AGBL4: variants seen among roughly 807,000 people sequenced by gnomAD.
AGBL4 encodes AGBL carboxypeptidase 4.
Under a neutral mutation model 66.4 loss-of-function variants are expected in AGBL4, and 58 were observed. The observed-to-expected ratio is 0.87, with a 90% CI of 0.71 to 1.09. The LOEUF (loss-of-function observed/expected upper bound fraction) is 1.09. Among genes scored for constraint, AGBL4 ranks in the 50% least tolerant of loss-of-function variants. The pLI, the probability that AGBL4 is intolerant of heterozygous loss-of-function variation, is 0.00. For missense variants in AGBL4, 579 were observed against 631.0 expected (o/e 0.92, Z 0.88); for synonymous variants, 234 against 222.9 (o/e 1.05, Z -0.44).
intron 3 of AGBL4, among the ~76,000 whole-genome samples, chr1:49,493,437 T>A (rs113673282): frequency 6.6e-6 from 1 of 152,044 alleles, no homozygotes; most frequent in Admixed American, 6.6e-5. Context: ...ATATTTATAA[T>A]GTATAGCCAG....
intron 6 of AGBL4, among the ~76,000 whole-genome samples, chr1:48,753,033 C>CTG (rs1652000961): frequency 6.6e-6 from 1 of 152,224 alleles, no homozygotes; most frequent in African/African-American, 2.4e-5. Context: ...CAGGCGTGAG[C>CTG]CACTGCCCCC....
chr1:49,283,556 C>A (rs1396183411), intron 3 of AGBL4, among the ~76,000 whole-genome samples: 7 of 152,038 alleles, frequency 4.6e-5, no homozygotes, highest in African/African-American at 7.3e-5. Context: ...AGGCTTCAGA[C>A]GATCAAATTA....
chr1:48,893,443 A>T (rs1651170399), intron 5 of AGBL4, among the ~76,000 whole-genome samples: 1 of 151,928 alleles, frequency 6.6e-6, no homozygotes, highest in African/African-American at 2.4e-5. Context: ...GCACTTTGGG[A>T]GGCTGAGATG....
intron 3 of AGBL4, among the ~76,000 whole-genome samples, chr1:49,573,139 T>C (rs548394672): frequency 7.4e-6 from 1 of 134,794 alleles, no homozygotes; most frequent in South Asian, 2.4e-4. Context: ...TGTCTGTGTG[T>C]GTGTGTCTGT....
At chr1:49,470,690 C>T (rs1646724380) in intron 3 of AGBL4, among the ~76,000 whole-genome samples, 2 of 152,000 alleles carry the variant, frequency 1.3e-5, no homozygotes, top group South Asian at 4.1e-4. Context: ...CTTCCCATGG[C>T]AATAATCTGA....
At chr1:48,791,029 C>T (rs1645536616) in intron 6 of AGBL4, among the ~76,000 whole-genome samples, 1 of 152,198 alleles carries the variant, frequency 6.6e-6, no homozygotes, top group South Asian at 2.1e-4. Flanking sequence ...CCCTTAACTT[C>T]CCGGCCTCCA....
intron 3 of AGBL4, among the ~76,000 whole-genome samples, chr1:49,248,081 A>G (rs561479186): frequency 1.3e-5 from 2 of 152,116 alleles, no homozygotes; most frequent in African/African-American, 2.4e-5. Context: ...TGTGGTGGAG[A>G]GATTCAAAAT....
At position 49,757,302 on chromosome 1, in the gene AGBL4, G is replaced by A. The variant is rs74937374; in HGVS notation, c.158-59865C>T. Among the ~76,000 whole-genome samples, 1,220 of 152,330 alleles carry A rather than the reference G, an allele frequency of 8.0e-3. 9 individuals are homozygous for A. The highest frequency in any genetic ancestry group is 0.031 in the Middle Eastern group (9 of 294). ...TCCTTTATAAATTACCCAGCCTCAT[G>A]TATGTCAGTATAGCAGTGTAAAAAT... is the stretch of plus-strand genomic sequence containing the variant. On this transcript the variant is annotated intron_variant, in intron 2 of 13. Coordinates refer to ENST00000371839, the MANE Select transcript of AGBL4 (RefSeq NM_032785.4).
chr1:48,565,118 A>C lies in AGBL4; in HGVS notation c.1267+21886T>G, dbSNP rs1347075072. ...ACCTGGCCCAGGCAAGACGTTATTA[A>C]TCAGTATCTTAATGAAGCCTAATTA... On this transcript the variant is annotated intron_variant, in intron 11 of 13. Coordinates refer to ENST00000371839, the MANE Select transcript of AGBL4 (RefSeq NM_032785.4). Among the ~76,000 whole-genome samples, 4 of 152,198 alleles carry C rather than the reference A, an allele frequency of 2.6e-5. No individual in the cohort carries two copies. In the East Asian group the frequency reaches 7.7e-4, roughly 29 times the overall value.
At chr1:49,699,555 T>A (rs1647048479) in intron 2 of AGBL4, among the ~76,000 whole-genome samples, 1 of 151,976 alleles carries the variant, frequency 6.6e-6, no homozygotes. Flanking sequence ...CTAAATGTGT[T>A]ATATGTAAAT....
At chr1:49,882,634 T>C (rs1169607913) in intron 1 of AGBL4, among the ~76,000 whole-genome samples, 2 of 152,326 alleles carry the variant, frequency 1.3e-5, no homozygotes. Flanking sequence ...CTAGGTATTT[T>C]ATTCTCTTTG....
intron 4 of AGBL4, among the ~76,000 whole-genome samples, chr1:49,110,615 C>T (rs1435968383): frequency 6.6e-6 from 1 of 152,122 alleles, no homozygotes; most frequent in African/African-American, 2.4e-5. Context: ...GATCCCCTGC[C>T]TCTCACTTGC....
At chr1:49,398,315 C>T (rs1410663579) in intron 3 of AGBL4, among the ~76,000 whole-genome samples, 1 of 129,254 alleles carries the variant, frequency 7.7e-6, no homozygotes. Context: ...CAGTCAGTCT[C>T]TCTCTCCCTC....
chr1:48,969,295 T>C (rs1658714184), intron 5 of AGBL4, among the ~76,000 whole-genome samples: 1 of 152,140 alleles, frequency 6.6e-6, no homozygotes, highest in South Asian at 2.1e-4. Flanking sequence ...TTTGCTCATG[T>C]TATCCCTCTG....
intron 3 of AGBL4, among the ~76,000 whole-genome samples, chr1:49,442,034 G>C (rs1490884530): frequency 2.0e-5 from 3 of 152,178 alleles, no homozygotes; most frequent in Non-Finnish European, 2.9e-5. Context: ...ATTCCTCAGG[G>C]TGATCAGCCA....
At chr1:49,819,394 C>T (rs1028672097) in intron 2 of AGBL4, among the ~76,000 whole-genome samples, 1 of 152,100 alleles carries the variant, frequency 6.6e-6, no homozygotes, top group African/African-American at 2.4e-5. Flanking sequence ...AGAACAGTTA[C>T]GCTATCTTCT....
chr1:49,674,960 G>T (rs552185469), intron 3 of AGBL4, among the ~76,000 whole-genome samples: 1 of 152,290 alleles, frequency 6.6e-6, no homozygotes, highest in Admixed American at 6.5e-5. Context: ...TAGCTACACT[G>T]AGATAAGAAA....
At chr1:49,411,856 T>G (rs1327105239) in intron 3 of AGBL4, among the ~76,000 whole-genome samples, 2 of 152,128 alleles carry the variant, frequency 1.3e-5, no homozygotes, top group African/African-American at 4.8e-5. Flanking sequence ...GAAATAGAGA[T>G]GATGGAAGTC....
At chr1:48,626,770 G>A (rs923214693) in intron 9 of AGBL4, among the ~76,000 whole-genome samples, 3 of 152,270 alleles carry the variant, frequency 2.0e-5, no homozygotes, top group Non-Finnish European at 4.4e-5. Flanking sequence ...GGAACCTCTG[G>A]GATAATCAAG....
Sources: allele counts gnomAD v4.1 joint callset (sites outside exome capture counted in the v4.1 genomes callset), GRCh38; gene constraint gnomAD v4.1.1; transcripts MANE v1.5; gene names NCBI Gene and HGNC (gene_info 2026-07-23, HGNC 2026-07-21).